RARS2: variants seen among roughly 807,000 people sequenced by gnomAD.
RARS2 encodes the protein probable arginine--tRNA ligase, mitochondrial.
Under a neutral mutation model 88.5 loss-of-function variants are expected in RARS2, and 67 were observed. That is an observed-to-expected ratio of 0.76 (90% CI 0.62 to 0.93). The LOEUF (loss-of-function observed/expected upper bound fraction) is 0.93. Ranked by LOEUF, RARS2 falls within the 40% of genes least tolerant of loss-of-function variation. The pLI is 0.00. For missense variants in RARS2, 664 were observed against 684.2 expected, an observed-to-expected ratio of 0.97 and a Z score of 0.33; for synonymous variants, 239 against 230.3, an observed-to-expected ratio of 1.04 and a Z score of -0.34.
At chr6:87,586,881 GTTATTTATTTATTTATTTAT>G (rs145438214) in intron 1 of RARS2, among the ~76,000 whole-genome samples, 70 of 147,532 alleles carry the variant, frequency 4.7e-4, no homozygotes, top group South Asian at 2.2e-3. Context: ...TGTGGGGTTG[GTTATTTATTTATTTATTTAT>G]TTATTTATTT....
At chr6:87,582,119 C>A (rs879985979) in intron 1 of RARS2, among the ~76,000 whole-genome samples, 2 of 152,160 alleles carry the variant, frequency 1.3e-5, no homozygotes, top group African/African-American at 4.8e-5. Context: ...TGGGTATATA[C>A]CCTGCAATGG....
At chr6:87,548,031 T>C (rs1442776778) in intron 6 of RARS2, among the ~76,000 whole-genome samples, 1 of 152,182 alleles carries the variant, frequency 6.6e-6, no homozygotes, top group Non-Finnish European at 1.5e-5. Context: ...GTTATTCGTG[T>C]TTTTTAATTT....
At position 87,519,184 on chromosome 6, in the gene RARS2, ATG is replaced by A. The variant is rs374177464; in HGVS notation, c.1238-295_1238-294del. 5.4e-3 allele frequency: 1,209 copies of A among 224,074 alleles called. 6 individuals are homozygous for A. Among genetic ancestry groups the A allele is most frequent in the South Asian group, 7.4e-3 (129 of 17,466 alleles). 13.9% of individuals were successfully genotyped at this position (224,074 alleles called of 1,614,324 possible). On this transcript the variant is annotated intron_variant, in intron 14 of 19. Transcript: ENST00000369536. The stretch of plus-strand genomic sequence containing the variant: ...TGTGTGTATATATATATAAATATAT[ATG>A]TGTGTGTGTGTGTGTGTGTGTGTAT...
At chr6:87,588,887 C>T (rs1299283917) in intron 1 of RARS2, among the ~76,000 whole-genome samples, 5 of 152,178 alleles carry the variant, frequency 3.3e-5, no homozygotes, top group Non-Finnish European at 7.4e-5. Flanking sequence ...CAGTTTAATA[C>T]ACTACCAAAG....
Position 87,541,710 on chromosome 6 carries a change from G to A in RARS2, c.612+208C>T, listed in dbSNP as rs775011059. Among the ~76,000 whole-genome samples the A allele has an allele frequency of 1.3e-4, 20 of 152,088 alleles. 1 individual carries two copies. Among genetic ancestry groups the A allele is most frequent in the Non-Finnish European group, 7.4e-5 (5 of 68,008 alleles). ...ATGGTGGCATACGCCTGTAGTCCCA[G>A]CTACTTGGGAGGCTGAGGCATGAGA... On this transcript the variant is annotated intron_variant, in intron 8 of 19. Transcript: ENST00000369536.
At chr6:87,559,335 C>A (rs1022229049) in intron 4 of RARS2, among the ~76,000 whole-genome samples, 1 of 151,652 alleles carries the variant, frequency 6.6e-6, no homozygotes, top group Admixed American at 6.6e-5. Flanking sequence ...GGCATGGTGG[C>A]GGGCACCTAT....
At chr6:87,578,288 T>C (rs1184857583) in intron 1 of RARS2, among the ~76,000 whole-genome samples, 2 of 152,212 alleles carry the variant, frequency 1.3e-5, no homozygotes, top group Non-Finnish European at 2.9e-5. Flanking sequence ...AGCCTGGATT[T>C]TGTAAAAAGC....
At chr6:87,551,679 A>G (rs1784391705) in intron 5 of RARS2, among the ~76,000 whole-genome samples, 1 of 150,210 alleles carries the variant, frequency 6.7e-6, no homozygotes, top group Non-Finnish European at 1.5e-5. Flanking sequence ...ATAAGAGGCC[A>G]GAGAAATAAA....
intron 5 of RARS2, among the ~76,000 whole-genome samples, chr6:87,549,548 A>G (rs896021890): frequency 2.0e-5 from 3 of 148,324 alleles, no homozygotes; most frequent in Non-Finnish European, 1.5e-5. Context: ...TCTGTCTGTA[A>G]AATTAAAAAA....
At chr6:87,584,776 C>T (rs1010415088) in intron 1 of RARS2, 6 of 453,854 alleles carry the variant, frequency 1.3e-5, no homozygotes, top group Non-Finnish European at 2.2e-5. Flanking sequence ...AGCTAAGAGA[C>T]AAGATGATGA....
chr6:87,553,205 C>T lies in RARS2; in HGVS notation c.395+2203G>A, dbSNP rs374035269. 8.5e-5 allele frequency among the ~76,000 whole-genome samples: 13 copies of T among 152,200 alleles called. No homozygotes were observed. The East Asian group carries it at 2.1e-3, about 25-fold the overall frequency. On this transcript the variant is annotated intron_variant, in intron 5 of 19. Transcript: ENST00000369536. Reference sequence around the variant, plus strand: ...AGGTCTTGCTACCCTGCGGGAGAGACAATGTGGTGGGAGAGAGAGAGATGC... The same window carrying T: ...AGGTCTTGCTACCCTGCGGGAGAGATAATGTGGTGGGAGAGAGAGAGATGC...
chr6:87,516,308 C>T (rs1771719245), intron 18 of RARS2, among the ~76,000 whole-genome samples: 1 of 152,174 alleles, frequency 6.6e-6, no homozygotes, highest in Non-Finnish European at 1.5e-5. Context: ...ATGGACCCCA[C>T]CACCCCGAAA....
At chr6:87,584,675 T>C (rs1332551505) in intron 1 of RARS2, 2 of 465,634 alleles carry the variant, frequency 4.3e-6, no homozygotes, top group Admixed American at 2.3e-5. Context: ...AGACTGAGGA[T>C]GCTGAGAGAC....
intron 1 of RARS2, among the ~76,000 whole-genome samples, chr6:87,573,999 C>A (rs1770631593): frequency 6.6e-6 from 1 of 152,340 alleles, no homozygotes. Flanking sequence ...TAACAATTCT[C>A]ATTAACACCC....
At chr6:87,539,502 TCTTC>T (rs1780235154) in intron 8 of RARS2, among the ~76,000 whole-genome samples, 1 of 152,258 alleles carries the variant, frequency 6.6e-6, no homozygotes, top group East Asian at 1.9e-4. Context: ...AGCCTGTTCC[TCTTC>T]CTTATTTGGA....
chr6:87,514,640 A>G (rs1770932233), intron 19 of RARS2, 141 bp from the exon 20 acceptor site: 2 of 784,510 alleles, frequency 2.5e-6, no homozygotes, highest in Non-Finnish European at 2.2e-6. Context: ...TATAGGCAAG[A>G]GAAGATAAAT....
chr6:87,577,792 C>T (rs1332975290), intron 1 of RARS2, among the ~76,000 whole-genome samples: 1 of 152,082 alleles, frequency 6.6e-6, no homozygotes, highest in Non-Finnish European at 1.5e-5. Flanking sequence ...TGTCTTCATC[C>T]CTTATGGTAG....
chr6:87,559,080 A>T (rs568589718), intron 4 of RARS2, among the ~76,000 whole-genome samples: 4 of 152,328 alleles, frequency 2.6e-5, no homozygotes, highest in African/African-American at 7.2e-5. Context: ...AAAGTAAATT[A>T]AAAAATTAGA....
At chr6:87,549,705 T>C (rs1000163824) in intron 5 of RARS2, among the ~76,000 whole-genome samples, 13 of 152,184 alleles carry the variant, frequency 8.5e-5, no homozygotes, top group Non-Finnish European at 8.8e-5. Context: ...CAAATGCTTC[T>C]AGAGCACTCA....
Sources: allele counts gnomAD v4.1 joint callset (sites outside exome capture counted in the v4.1 genomes callset), GRCh38; gene constraint gnomAD v4.1.1; transcripts MANE v1.5; gene names NCBI Gene and HGNC (gene_info 2026-07-23, HGNC 2026-07-21).